The following TOPAZ1 variants were observed in gnomAD, a reference collection of about 807,000 sequenced individuals.
TOPAZ1 encodes the protein testis and ovary specific TOPAZ 1, also known as protein TOPAZ1.
A neutral mutation model predicts 172.2 loss-of-function variants in TOPAZ1; 66 were observed. That is an observed-to-expected ratio of 0.38 (90% CI 0.31 to 0.47). The LOEUF is 0.47. Ranked by LOEUF, TOPAZ1 falls within the 20% of genes least tolerant of loss-of-function variation. The probability of loss-of-function intolerance (pLI) is 0.99; values close to 1 mark genes in which losing one functional copy is unlikely to be tolerated. For synonymous variants in TOPAZ1, 681 were observed against 683.9 expected (o/e 1.00, Z 0.07); for missense variants, 1,822 against 1,972.4 (o/e 0.92, Z 1.44).
At position 44,321,072 on chromosome 3, in the gene TOPAZ1, T is replaced by G; in HGVS notation, c.4352T>G (p.Leu1451Arg). 1.3e-6 allele frequency: 2 copies of G among 1,550,666 alleles called. No homozygotes were observed. The highest frequency in any genetic ancestry group is 4.9e-5 in the East Asian group (2 of 40,790). ...INTPLWPCDR[L>R]DVLNRHNLLC... ...ACGCCTCTGTGGCCTTGTGATAGAC[T>G]GGATGTGCTTAATCGACATAATTTA... Residue 1451 changes from leucine (L) to arginine (R), a missense_variant, in exon 17 of 20, where the codon CTG becomes CGG. Leu to Arg is a moderately radical substitution (Grantham distance 102, BLOSUM62 -2). Coordinates refer to ENST00000309765, the MANE Select transcript of TOPAZ1 (RefSeq NM_001145030.2).
intron 11 of TOPAZ1, 64 bp downstream of exon 11, chr3:44,287,903 G>T (rs201699716): frequency 1.8e-4 from 36 of 196,496 alleles, no homozygotes; most frequent in Admixed American, 1.3e-3. Context: ...TTGTTTCCAT[G>T]GGGGGGTACC....
chr3:44,250,303 A>G (rs956507914), intron 2 of TOPAZ1, among the ~76,000 whole-genome samples: 21 of 149,974 alleles, frequency 1.4e-4, no homozygotes, highest in South Asian at 2.1e-4. Context: ...TCTCTCCCTT[A>G]TATATTGAGA....
intron 8 of TOPAZ1, among the ~76,000 whole-genome samples, chr3:44,280,720 G>A (rs902336152): frequency 1.3e-5 from 2 of 152,170 alleles, no homozygotes; most frequent in Admixed American, 6.5e-5. Context: ...CTTCTGGCGT[G>A]TGAAAATGTG....
chr3:44,242,083 G>A lies in TOPAZ1; in HGVS notation c.30G>A (p.Thr10=). The change falls in exon 1 of 20, where the codon ACG becomes ACA. Residue 10 remains threonine, a synonymous_variant. Transcript: ENST00000309765. MRRPPPLGP[T]TASGPEGNVR... is the part of the protein sequence containing the mutation. The stretch of plus-strand genomic sequence containing the variant: ...GACGACCTCCACCCCTGGGCCCCAC[G>A]ACGGCCTCAGGGCCTGAAGGCAATG... 6.5e-7 allele frequency: 1 copy of A among 1,546,800 alleles called. No homozygotes were observed. The highest frequency in any genetic ancestry group is 8.7e-7 in the Non-Finnish European group (1 of 1,146,410).
chr3:44,303,123 T>G (rs1178296176), intron 12 of TOPAZ1, among the ~76,000 whole-genome samples: 1 of 152,196 alleles, frequency 6.6e-6, no homozygotes, highest in Middle Eastern at 3.2e-3. Flanking sequence ...GTGAGCCACC[T>G]CACACAGGCT....
chr3:44,255,670 T>TATACACAC (rs1202865847), intron 3 of TOPAZ1, among the ~76,000 whole-genome samples: 12 of 46,378 alleles, frequency 2.6e-4, no homozygotes, highest in African/African-American at 8.5e-4. Context: ...AAAATATATA[T>TATACACAC]ACACACACAC....
At chr3:44,332,528 T>G (rs1336787300), downstream of TOPAZ1, among the ~76,000 whole-genome samples, 1 of 152,130 alleles carries the variant, frequency 6.6e-6, no homozygotes, top group Non-Finnish European at 1.5e-5. Context: ...CTTTAGTGTA[T>G]CTTGGAATAC....
chr3:44,255,103 G>A (rs1201691069), intron 3 of TOPAZ1, 74 bp downstream of exon 3: 10 of 1,034,214 alleles, frequency 9.7e-6, no homozygotes, highest in African/African-American at 1.6e-5. Context: ...TAGTCAAGAT[G>A]AATTCACTAG....
chr3:44,243,756 A>C lies in TOPAZ1; in HGVS notation c.1250A>C (p.Gln417Pro). 6.4e-7 allele frequency: 1 copy of C among 1,551,752 alleles called. No homozygotes were observed. The change falls in exon 2 of 20, where the codon CAG (glutamine) becomes CCG (proline). Residue 417 changes from glutamine (Q) to proline (P), a missense_variant. Transcript: ENST00000309765. ...GAACATCATGTAAATGCTGTGTTTC[A>C]GAAAACCATTGAACCACTTTTGAAA... The part of the protein sequence containing the change: ...SSEHHVNAVF[Q>P]KTIEPLLKEE...
rs545815481 is a variant in TOPAZ1, at chr3:44,323,406, C to T, written c.4675+111C>T. 4.2e-4 allele frequency: 265 copies of T among 627,206 alleles called. 1 individual carries two copies. In the Middle Eastern group the frequency reaches 5.5e-3, roughly 13 times the overall value. 38.9% of individuals were successfully genotyped at this position (627,206 alleles called of 1,614,324 possible). On this transcript the variant is annotated intron_variant, in intron 18 of 19. Transcript: ENST00000309765. ...TATATGTATTAAAAGAGCAGTAATA[C>T]ATATTCAAATGTAGTGGTCTCAACA...
chr3:44,328,887 T>C (rs1700632552), intron 19 of TOPAZ1, among the ~76,000 whole-genome samples: 2 of 152,216 alleles, frequency 1.3e-5, no homozygotes, highest in Non-Finnish European at 2.9e-5. Context: ...TATATATGCA[T>C]AAATATTATA....
At position 44,305,265 on chromosome 3, in the gene TOPAZ1, C is replaced by CA. The variant is rs771345209; in HGVS notation, c.3989dup (p.Asn1330LysfsTer3). ...TGTGCTTGCATTGCTGAAACACTCA[C>CA]AAAAAACTATGAAGATGAAAGACCA... On this transcript the variant is annotated frameshift_variant, in exon 14 of 20. Coordinates refer to ENST00000309765, the MANE Select transcript of TOPAZ1 (RefSeq NM_001145030.2). LOFTEE classifies it high-confidence loss of function. 2 of 1,544,044 alleles carry CA rather than the reference C, an allele frequency of 1.3e-6. No individual in the cohort carries two copies. Among genetic ancestry groups the CA allele is most frequent in the African/African-American group, 1.4e-5 (1 of 72,630 alleles).
chr3:44,242,886 G>A lies in TOPAZ1; in HGVS notation c.380G>A (p.Ser127Asn), dbSNP rs1249777054. Residue 127 changes from serine to asparagine, a missense_variant, in exon 2 of 20, where the codon AGT becomes AAT. Coordinates refer to ENST00000309765, the MANE Select transcript of TOPAZ1 (RefSeq NM_001145030.2). ...KEKRKVTEASSDDPQPGLDLV... is the reference protein window; with the variant it reads ...KEKRKVTEASNDDPQPGLDLV... ...AAAAGAAAAGTTACTGAAGCCTCAA[G>A]TGATGATCCACAGCCAGGGCTTGAC... The A allele has an allele frequency of 5.3e-6, 8 of 1,522,170 alleles. No individual in the cohort carries two copies. The highest frequency in any genetic ancestry group is 6.1e-6 in the Non-Finnish European group (7 of 1,139,482). 94.3% of individuals were successfully genotyped at this position (1,522,170 alleles called of 1,614,324 possible).
In TOPAZ1 at chr3:44,321,192, G is replaced by A. The variant is rs1202148007; in HGVS notation, c.4471+1G>A. On this transcript the variant is annotated splice_donor_variant, in intron 17 of 19. Coordinates refer to ENST00000309765, the MANE Select transcript of TOPAZ1 (RefSeq NM_001145030.2). LOFTEE classifies it high-confidence loss of function. The stretch of plus-strand genomic sequence containing the variant: ...CTACCAGGTTTTCAAAATTCCCAAG[G>A]TATGTTTTTTAAAAGTCTATCTTAA... The A allele has an allele frequency of 6.5e-7, 1 of 1,535,308 alleles. No individual in the cohort carries two copies. Among genetic ancestry groups the A allele is most frequent in the Non-Finnish European group, 8.8e-7 (1 of 1,141,430 alleles).
chr3:44,321,988 A>G (rs891863717), intron 17 of TOPAZ1, among the ~76,000 whole-genome samples: 4 of 152,204 alleles, frequency 2.6e-5, no homozygotes, highest in Non-Finnish European at 5.9e-5. Flanking sequence ...AAGACCCTAA[A>G]TGTCAGGCTA....
intron 18 of TOPAZ1, among the ~76,000 whole-genome samples, chr3:44,326,642 T>G (rs149574075): frequency 8.3e-4 from 127 of 152,318 alleles, no homozygotes; most frequent in Non-Finnish European, 1.6e-3. Flanking sequence ...TCTTGATGGC[T>G]TTCCCTTGCT....
Position 44,254,981 on chromosome 3 carries a change from C to A in TOPAZ1, c.2779C>A (p.Leu927Met), listed in dbSNP as rs1434656162. 6.4e-7 allele frequency: 1 copy of A among 1,551,080 alleles called. No individual in the cohort carries two copies. The highest frequency in any genetic ancestry group is 1.4e-5 in the African/African-American group (1 of 73,028). Residue 927 changes from leucine (L) to methionine (M), a missense_variant, in exon 3 of 20, where the codon CTG becomes ATG. Physicochemically the swap from Leu to Met is conservative, Grantham distance 15. Transcript: ENST00000309765. ...GCTTTATAATAGAGAACTTCCTGTA[C>A]TGGACTGTGGATGGATAAAGCCAGA... ...PSDDLRELPVLDCGWIKPDIC... is the reference protein window; with the variant it reads ...PSDDLRELPVMDCGWIKPDIC...
intron 15 of TOPAZ1, among the ~76,000 whole-genome samples, chr3:44,307,967 A>ATGG (rs1700353856): frequency 1.3e-5 from 2 of 152,122 alleles, no homozygotes; most frequent in Non-Finnish European, 2.9e-5. Context: ...TCTAACAAGA[A>ATGG]GATCCTTTAT....
chr3:44,304,117 T>C (rs2125699425), intron 13 of TOPAZ1, 36 bp downstream of exon 13: 2 of 1,232,496 alleles, frequency 1.6e-6, no homozygotes, highest in Non-Finnish European at 2.3e-6. Flanking sequence ...ATTGCTGGGA[T>C]CTCTGAAAAT....
Sources: allele counts gnomAD v4.1 joint callset (sites outside exome capture counted in the v4.1 genomes callset), GRCh38; gene constraint gnomAD v4.1.1; transcripts MANE v1.5; gene names NCBI Gene and HGNC (gene_info 2026-07-23, HGNC 2026-07-21).